PTTG1IP: variants seen among roughly 807,000 people sequenced by gnomAD.
PTTG1IP encodes pituitary tumor-transforming gene 1 protein-interacting protein.
A neutral mutation model predicts 24.4 loss-of-function variants in PTTG1IP; 16 were observed. That is an observed-to-expected ratio of 0.66 (90% confidence interval 0.44 to 1.00). PTTG1IP has a LOEUF of 1.00. Among genes scored for constraint, PTTG1IP ranks in the 50% least tolerant of loss-of-function variants. PTTG1IP has a pLI of 0.00. For missense variants in PTTG1IP, 241 were observed against 245.8 expected, an observed-to-expected ratio of 0.98 and a Z score of 0.13; for synonymous variants, 89 against 96.8, an observed-to-expected ratio of 0.92 and a Z score of 0.47.
intron 1 of PTTG1IP, among the ~76,000 whole-genome samples, chr21:44,866,908 C>T (rs773456727): frequency 6.6e-6 from 1 of 152,234 alleles, no homozygotes; most frequent in Non-Finnish European, 1.5e-5. Context: ...CAACCATTTG[C>T]AAAGAAGGTC....
intron 3 of PTTG1IP, among the ~76,000 whole-genome samples, chr21:44,860,547 G>C (rs986293971): frequency 1.3e-5 from 2 of 152,126 alleles, no homozygotes; most frequent in Non-Finnish European, 2.9e-5. Context: ...GTGAGTTTCA[G>C]GGGTGACACA....
chr21:44,851,257 C>T lies in PTTG1IP; in HGVS notation c.*324G>A, dbSNP rs1234860978. ...GGTTCTGCCCTGGGAGAATGACAGC[C>T]ACAGCGCTGGGTGCCGTCAGGCGGC... On this transcript the variant is annotated 3_prime_UTR_variant, in exon 6 of 6. Coordinates refer to ENST00000330938, the MANE Select transcript of PTTG1IP (RefSeq NM_004339.4). The T allele has an allele frequency of 7.7e-7, 1 of 1,292,502 alleles. No individual in the cohort carries two copies. Among genetic ancestry groups the T allele is most frequent in the African/African-American group, 1.5e-5 (1 of 66,638 alleles). 80.1% of individuals were successfully genotyped at this position (1,292,502 alleles called of 1,614,324 possible). A position where few individuals can be genotyped will look rare whatever the true frequency, so the allele number is the denominator to read the frequency against.
intron 2 of PTTG1IP, among the ~76,000 whole-genome samples, chr21:44,863,033 T>C (rs1026368043): frequency 4.6e-5 from 7 of 150,854 alleles, no homozygotes; most frequent in African/African-American, 1.5e-4. Context: ...AATATGCACA[T>C]AGCAAGCAGC....
chr21:44,865,447 G>C lies in PTTG1IP; in HGVS notation c.116C>G (p.Ala39Gly), dbSNP rs1314713889. Residue 39 changes from alanine (A) to glycine (G), a missense_variant and splice_region_variant, in exon 2 of 6, where the codon GCT (alanine) becomes GGT (glycine). By Grantham distance (60) the Ala-to-Gly change is moderately conservative (BLOSUM62 0). Coordinates refer to ENST00000330938, the MANE Select transcript of PTTG1IP (RefSeq NM_004339.4). ...VAAAQEPPGA[A>G]CSQNTNKTCE... ...GGTTTTGTTTGTGTTCTGAGAACAA[G>C]CTGCAGGAAAGAGGCAAGAGACAAG... 3 of 1,614,174 alleles carry C rather than the reference G, an allele frequency of 1.9e-6. No homozygotes were observed. Among genetic ancestry groups the C allele is most frequent in the Middle Eastern group, 1.6e-4 (1 of 6,062 alleles).
At chr21:44,852,015 C>T (rs1399650923) in intron 5 of PTTG1IP, among the ~76,000 whole-genome samples, 1 of 152,170 alleles carries the variant, frequency 6.6e-6, no homozygotes, top group East Asian at 1.9e-4. Flanking sequence ...ATTAAGGCTA[C>T]AGAAAGAACT....
At chr21:44,864,145 C>A (rs1480142511) in intron 2 of PTTG1IP, among the ~76,000 whole-genome samples, 1 of 152,220 alleles carries the variant, frequency 6.6e-6, no homozygotes, top group Non-Finnish European at 1.5e-5. Context: ...CTGGAAGGGG[C>A]AAGGGGTGGG....
chr21:44,864,831 C>A (rs553895498), intron 2 of PTTG1IP, among the ~76,000 whole-genome samples: 2 of 152,362 alleles, frequency 1.3e-5, no homozygotes. Context: ...CACCTCATGC[C>A]GTGGAGGCTT....
In PTTG1IP at chr21:44,850,089, T is replaced by C. The variant is rs2083400243; in HGVS notation, c.*1492A>G. On this transcript the variant is annotated 3_prime_UTR_variant, in exon 6 of 6. Transcript: ENST00000330938. ...ACAGATGTACACAGTCAAAAAGGCT[T>C]ATCGAGCTGTTTGACGAGTTCTTGA... 1 of 152,216 alleles carries C rather than the reference T, an allele frequency of 6.6e-6. No individual in the cohort carries two copies. The highest frequency in any genetic ancestry group is 2.4e-5 in the African/African-American group (1 of 41,460). The allele number at this position is 152,216 out of a possible 1,614,324, so 9.4% of individuals were successfully genotyped here. A position where few individuals can be genotyped will look rare whatever the true frequency, so the allele number is the denominator to read the frequency against.
At chr21:44,865,890 G>A (rs934056605) in intron 1 of PTTG1IP, 9 of 252,620 alleles carry the variant, frequency 3.6e-5, no homozygotes, top group African/African-American at 1.6e-4. Context: ...ACACTGCCAC[G>A]CAGCACACTT....
chr21:44,851,639 T>C lies in PTTG1IP; in HGVS notation c.497-12A>G. 6.4e-7 allele frequency: 1 copy of C among 1,562,642 alleles called. No homozygotes were observed. On this transcript the variant is annotated splice_polypyrimidine_tract_variant and intron_variant, in intron 5 of 5. Transcript: ENST00000330938. ...TTCTTTAAACAGGCCTGAAACAAAATAAACTTGAATCATAACTTCATTCAT... is the reference window on the plus strand; with the variant it reads ...TTCTTTAAACAGGCCTGAAACAAAACAAACTTGAATCATAACTTCATTCAT...
intron 3 of PTTG1IP, among the ~76,000 whole-genome samples, chr21:44,858,038 G>T (rs235322): frequency 0.21 from 31,866 of 152,120 alleles, 3,597 homozygotes; most frequent in Middle Eastern, 0.33. Flanking sequence ...AAAACAAACA[G>T]AAATCCTGTC....
rs970181809 is a variant in PTTG1IP at position 44,851,555 on chromosome 21, C to T, written c.*26G>A. 1.2e-5 allele frequency: 20 copies of T among 1,612,534 alleles called. No individual in the cohort carries two copies. Among genetic ancestry groups the T allele is most frequent in the Admixed American group, 1.7e-5 (1 of 59,982 alleles). ...TGCGGAGCGTGCACCTCACAGGAAG[C>T]GTCGGGACTGATGTGCTGGAGCGCT... On this transcript the variant is annotated 3_prime_UTR_variant, in exon 6 of 6. Coordinates refer to ENST00000330938, the MANE Select transcript of PTTG1IP (RefSeq NM_004339.4).
chr21:44,854,515 C>G (rs2083434320), intron 5 of PTTG1IP, among the ~76,000 whole-genome samples: 2 of 151,764 alleles, frequency 1.3e-5, no homozygotes, highest in Admixed American at 1.3e-4. Context: ...GCGGGAGACA[C>G]TAGACTCTTT....
Position 44,856,345 on chromosome 21 carries a change from G to T in PTTG1IP, c.297C>A (p.Ile99=), listed in dbSNP as rs556549362. Reference sequence around the variant, plus strand: ...TTCCCCCGACTACCGACATGGTGATGATCAGCGCCTCAAAGTTCACTGGAG... The same window carrying T: ...TTCCCCCGACTACCGACATGGTGATTATCAGCGCCTCAAAGTTCACTGGAG... ...GVCWVNFEAL[I]ITMSVVGGTL... The change falls in exon 4 of 6, where the codon ATC becomes ATA. Residue 99 remains isoleucine (I), a synonymous_variant. Transcript: ENST00000330938. 2 of 1,613,262 alleles carry T rather than the reference G, an allele frequency of 1.2e-6. No individual in the cohort carries two copies. The highest frequency in any genetic ancestry group is 1.7e-5 in the Admixed American group (1 of 59,994).
At chr21:44,853,451 T>C (rs960433179) in intron 5 of PTTG1IP, among the ~76,000 whole-genome samples, 4 of 142,980 alleles carry the variant, frequency 2.8e-5, no homozygotes, top group African/African-American at 7.9e-5. Context: ...GAGCTTGCAG[T>C]GAGCTGACAT....
intron 5 of PTTG1IP, among the ~76,000 whole-genome samples, chr21:44,853,651 G>A (rs981874009): frequency 1.3e-5 from 2 of 152,172 alleles, no homozygotes; most frequent in Non-Finnish European, 2.9e-5. Context: ...GCTGAGGAGG[G>A]CAACCCTGGT....
At chr21:44,871,724 A>T (rs1464465827) in intron 1 of PTTG1IP, among the ~76,000 whole-genome samples, 1 of 152,168 alleles carries the variant, frequency 6.6e-6, no homozygotes, top group East Asian at 1.9e-4. Flanking sequence ...CCAGGCTATA[A>T]ATAGCCCCTC....
At chr21:44,865,492 CA>C in intron 1 of PTTG1IP, 45 bp from the exon 2 acceptor site, 2 of 1,601,864 alleles carry the variant, frequency 1.2e-6, no homozygotes, top group Non-Finnish European at 1.7e-6. Context: ...GAGAATCAGG[CA>C]GTGTAAATAT....
In PTTG1IP at chr21:44,861,257, G is replaced by A; in HGVS notation, c.183C>T (p.Asn61=). Residue 61 remains asparagine, a synonymous_variant, in exon 3 of 6, where the codon AAC becomes AAT. Coordinates refer to ENST00000330938, the MANE Select transcript of PTTG1IP (RefSeq NM_004339.4). The part of the protein sequence containing the change: ...CLKNVSCLWC[N]TNKACLDYPV... ...GGTAGTCCAGACAAGCCTTGTTAGTGTTGCACCAAAGACACTGAAAGAGAC... is the reference window on the plus strand; with the variant it reads ...GGTAGTCCAGACAAGCCTTGTTAGTATTGCACCAAAGACACTGAAAGAGAC... 1.2e-6 allele frequency: 2 copies of A among 1,613,456 alleles called. No individual in the cohort carries two copies. The highest frequency in any genetic ancestry group is 1.7e-6 in the Non-Finnish European group (2 of 1,179,628).
Sources: gnomAD v4.1 joint callset for allele counts (sites outside exome capture counted in the v4.1 genomes callset) on GRCh38, gnomAD v4.1.1 for gene constraint, MANE v1.5 for transcripts, NCBI Gene and HGNC (gene_info 2026-07-23, HGNC 2026-07-21) for gene names.